FAM135B: variants seen among roughly 807,000 people sequenced by gnomAD.
FAM135B encodes family with sequence similarity 135 member B, also known as protein FAM135B.
FAM135B carries 43 observed loss-of-function variants against 127.7 expected under a neutral mutation model. The ratio of observed to expected loss-of-function variants is 0.34; its 90% CI spans 0.26 to 0.43. The LOEUF is 0.43. Ranked by LOEUF, FAM135B falls within the 20% of genes least tolerant of loss-of-function variation. The pLI, the probability that FAM135B is intolerant of heterozygous loss-of-function variation, is 1.00. For synonymous variants in FAM135B, 670 were observed against 665.1 expected, an observed-to-expected ratio of 1.01 and a Z score of -0.11; for missense variants, 1,558 against 1,725.6, an observed-to-expected ratio of 0.90 and a Z score of 1.72.
intron 1 of FAM135B, among the ~76,000 whole-genome samples, chr8:138,375,989 CTTGTT>C (rs1210669532): frequency 9.2e-5 from 14 of 151,984 alleles, no homozygotes; most frequent in Middle Eastern, 3.2e-3. Flanking sequence ...TATTTTTTTG[CTTGTT>C]TTGTTTTGTT....
At chr8:138,441,456 T>C (rs994411171) in intron 1 of FAM135B, 1 of 152,210 alleles carries the variant, frequency 6.6e-6, no homozygotes, top group African/African-American at 2.4e-5. Context: ...GGGGGTGTTT[T>C]ATTGGATTGA....
chr8:138,201,953 C>G lies in FAM135B; in HGVS notation c.670-4284G>C, dbSNP rs1364277529. Among the ~76,000 whole-genome samples, 7 of 152,050 alleles carry G rather than the reference C, an allele frequency of 4.6e-5. No individual in the cohort carries two copies. In the South Asian group the frequency reaches 1.5e-3, roughly 32 times the overall value. On this transcript the variant is annotated intron_variant, in intron 7 of 19. Transcript: ENST00000395297. ...CCAGCCTTACCAACATGGAGAAACT[C>G]CCTCTCTGCTAAAAATGCAAAATTA...
intron 1 of FAM135B, among the ~76,000 whole-genome samples, chr8:138,486,781 T>C (rs1815000105): frequency 6.6e-6 from 1 of 152,136 alleles, no homozygotes; most frequent in Admixed American, 6.5e-5. Flanking sequence ...TGCACAAGAA[T>C]CTCCATTTCA....
chr8:138,317,141 C>CT (rs1156866230), intron 2 of FAM135B, among the ~76,000 whole-genome samples: 1 of 152,084 alleles, frequency 6.6e-6, no homozygotes, highest in Non-Finnish European at 1.5e-5. Context: ...CCCAGATGTC[C>CT]TTTAGTAAAT....
At chr8:138,313,988 T>C (rs1475990629) in intron 2 of FAM135B, among the ~76,000 whole-genome samples, 1 of 151,996 alleles carries the variant, frequency 6.6e-6, no homozygotes, top group Non-Finnish European at 1.5e-5. Flanking sequence ...CTCACATATT[T>C]GTGTACTCTT....
intron 3 of FAM135B, among the ~76,000 whole-genome samples, chr8:138,284,059 C>A (rs1285163087): frequency 1.3e-5 from 2 of 152,028 alleles, no homozygotes; most frequent in Non-Finnish European, 2.9e-5. Context: ...CTCAATTTTT[C>A]AGTCAATATA....
intron 12 of FAM135B, among the ~76,000 whole-genome samples, chr8:138,154,003 G>A (rs1456631918): frequency 6.6e-6 from 1 of 152,208 alleles, no homozygotes. Context: ...GTGGGTCCCT[G>A]ACCCCCGAGT....
At chr8:138,285,440 C>T (rs1824602726) in intron 3 of FAM135B, among the ~76,000 whole-genome samples, 1 of 152,120 alleles carries the variant, frequency 6.6e-6, no homozygotes, top group Non-Finnish European at 1.5e-5. Flanking sequence ...AGCCACTACG[C>T]CTGGCCTTGG....
At chr8:138,158,969 G>T (rs1819062786) in intron 12 of FAM135B, among the ~76,000 whole-genome samples, 1 of 152,138 alleles carries the variant, frequency 6.6e-6, no homozygotes, top group South Asian at 2.1e-4. Context: ...TATAAATCAT[G>T]CTGCTATAAA....
In FAM135B at chr8:138,401,847, G is replaced by A. The variant is rs1157374; in HGVS notation, c.-19-33845C>T. On this transcript the variant is annotated intron_variant, in intron 1 of 19. Transcript: ENST00000395297. The stretch of plus-strand genomic sequence containing the variant: ...AACTCACCCCATCATTTCTGAGAAC[G>A]GTCTGGCTTAAGTGGATCATCACAG... 2.4e-3 allele frequency among the ~76,000 whole-genome samples: 366 copies of A among 152,194 alleles called. 5 individuals carry two copies. The highest frequency in any genetic ancestry group is 4.0e-3 in the Non-Finnish European group (270 of 67,980).
chr8:138,330,846 T>A (rs866609579), intron 2 of FAM135B, among the ~76,000 whole-genome samples: 2 of 135,292 alleles, frequency 1.5e-5, no homozygotes, highest in African/African-American at 3.1e-5. Context: ...TAAATGTACA[T>A]TTTTTTTTTT....
chr8:138,236,397 CAT>C (rs1345812478), intron 7 of FAM135B, among the ~76,000 whole-genome samples: 5 of 134,584 alleles, frequency 3.7e-5, no homozygotes, highest in South Asian at 2.2e-4. Flanking sequence ...AACACACACA[CAT>C]ACACACACAC....
At chr8:138,276,196 G>C (rs1823808994) in intron 3 of FAM135B, among the ~76,000 whole-genome samples, 1 of 152,190 alleles carries the variant, frequency 6.6e-6, no homozygotes, top group South Asian at 2.1e-4. Context: ...CAGCAAATTG[G>C]AGGCAAAGAG....
intron 1 of FAM135B, among the ~76,000 whole-genome samples, chr8:138,393,149 G>A (rs1832675599): frequency 6.6e-6 from 1 of 152,054 alleles, no homozygotes; most frequent in Non-Finnish European, 1.5e-5. Flanking sequence ...GAACAGCATG[G>A]GAAAGACCTG....
chr8:138,197,077 G>A (rs1051502192), intron 8 of FAM135B, among the ~76,000 whole-genome samples: 2,406 of 37,720 alleles, frequency 0.064, 56 homozygotes, highest in African/African-American at 0.25. Flanking sequence ...GTATGCATAT[G>A]TGTGTGTGTG....
intron 1 of FAM135B, among the ~76,000 whole-genome samples, chr8:138,444,189 C>A (rs1439448270): frequency 7.9e-5 from 12 of 152,116 alleles, no homozygotes; most frequent in African/African-American, 2.2e-4. Context: ...TAGGCTCCCA[C>A]ACAATAATAA....
At chr8:138,336,041 A>G (rs946461208) in intron 2 of FAM135B, among the ~76,000 whole-genome samples, 12 of 152,186 alleles carry the variant, frequency 7.9e-5, no homozygotes, top group African/African-American at 2.9e-4. Context: ...AGAAATAAAG[A>G]TGTTCTTTGA....
intron 3 of FAM135B, among the ~76,000 whole-genome samples, chr8:138,303,376 G>T (rs911268129): frequency 1.3e-5 from 2 of 152,134 alleles, no homozygotes; most frequent in East Asian, 1.9e-4. Flanking sequence ...ATAAGTGGGA[G>T]TTGAACAATG....
In FAM135B at chr8:138,281,504, C is replaced by A. The variant is rs148256613; in HGVS notation, c.158-15662G>T. ...TCCTATTGAGGTAAATAGTGTCCTA[C>A]ATGTTTCTAAAAGCTCGAGGAAATT... On this transcript the variant is annotated intron_variant, in intron 3 of 19. Coordinates refer to ENST00000395297, the MANE Select transcript of FAM135B (RefSeq NM_015912.4). Among the ~76,000 whole-genome samples the A allele has an allele frequency of 4.0e-3, 614 of 151,998 alleles. 2 individuals are homozygous for A. In the Middle Eastern group the frequency reaches 0.041, roughly 10 times the overall value.
Sources: gnomAD v4.1 joint callset for allele counts (sites outside exome capture counted in the v4.1 genomes callset) on GRCh38, gnomAD v4.1.1 for gene constraint, MANE v1.5 for transcripts, NCBI Gene and HGNC (gene_info 2026-07-23, HGNC 2026-07-21) for gene names.